Variants in AFG1L observed in about 807,000 individuals in gnomAD.
The protein encoded by AFG1L is AFG1 like ATPase.
AFG1L carries 53 observed loss-of-function variants against 62.2 expected under a neutral mutation model. That is an observed-to-expected ratio of 0.85 (90% confidence interval 0.68 to 1.07). The LOEUF (loss-of-function observed/expected upper bound fraction) is 1.07. Among genes scored for constraint, AFG1L ranks in the 50% least tolerant of loss-of-function variants. The probability of loss-of-function intolerance (pLI) is 0.00; values close to 1 mark genes in which losing one functional copy is unlikely to be tolerated. For synonymous variants in AFG1L, 228 were observed against 210.3 expected, an observed-to-expected ratio of 1.08 and a Z score of -0.73; for missense variants, 555 against 590.5, an observed-to-expected ratio of 0.94 and a Z score of 0.62.
intron 1 of AFG1L, chr6:108,295,803 G>A (rs1446176107): frequency 6.6e-6 from 1 of 152,366 alleles, no homozygotes; most frequent in East Asian, 1.9e-4. Context: ...ATGAATGAAT[G>A]TATATTCTGA....
chr6:108,408,293 T>G (rs1781954873), intron 7 of AFG1L, among the ~76,000 whole-genome samples: 2 of 152,180 alleles, frequency 1.3e-5, no homozygotes, highest in African/African-American at 4.8e-5. Context: ...TCTAAGCTCT[T>G]TACTGAATCC....
chr6:108,368,794 A>G (rs1779866359), intron 6 of AFG1L, among the ~76,000 whole-genome samples: 1 of 152,210 alleles, frequency 6.6e-6, no homozygotes, highest in African/African-American at 2.4e-5. Context: ...AGTGTGGTTA[A>G]CTAACTGAGG....
chr6:108,344,795 G>A (rs779940319), intron 2 of AFG1L: 10 of 471,108 alleles, frequency 2.1e-5, no homozygotes, highest in South Asian at 1.5e-4. Context: ...CTGCTGCAGA[G>A]TATGAAGGTT....
At position 108,295,066 on chromosome 6, in the gene AFG1L, G is replaced by C. The variant is rs766804964; in HGVS notation, c.-14G>C. ...ATAAAGTTTTCCTCTTCCTCTCCTCGTACGGAGTTCAAGATGGCGGCCTCC... is the reference window on the plus strand; with the variant it reads ...ATAAAGTTTTCCTCTTCCTCTCCTCCTACGGAGTTCAAGATGGCGGCCTCC... On this transcript the variant is annotated 5_prime_UTR_variant, in exon 1 of 13. Transcript: ENST00000368977. The C allele has an allele frequency of 6.2e-7, 1 of 1,610,046 alleles. No homozygotes were observed. The highest frequency in any genetic ancestry group is 8.5e-7 in the Non-Finnish European group (1 of 1,179,970).
intron 6 of AFG1L, among the ~76,000 whole-genome samples, chr6:108,390,501 T>C (rs1435664310): frequency 1.3e-5 from 2 of 152,252 alleles, no homozygotes; most frequent in Non-Finnish European, 2.9e-5. Flanking sequence ...TGTGGTTTTA[T>C]CTACCTTTGG....
intron 11 of AFG1L, among the ~76,000 whole-genome samples, chr6:108,512,753 A>G (rs1774705182): frequency 6.6e-6 from 1 of 152,004 alleles, no homozygotes. Flanking sequence ...GCAATATGAT[A>G]GAATATTCAA....
At chr6:108,301,535 G>A (rs973637083) in intron 1 of AFG1L, among the ~76,000 whole-genome samples, 4 of 152,226 alleles carry the variant, frequency 2.6e-5, no homozygotes, top group Admixed American at 2.0e-4. Context: ...GTCAGAAAGC[G>A]TTGGTATGGC....
At chr6:108,431,767 A>G (rs1771087283) in intron 7 of AFG1L, among the ~76,000 whole-genome samples, 1 of 151,644 alleles carries the variant, frequency 6.6e-6, no homozygotes, top group African/African-American at 2.4e-5. Flanking sequence ...TATTTTTAGT[A>G]GAGACGGGGT....
chr6:108,478,713 A>G (rs192833201), intron 10 of AFG1L, among the ~76,000 whole-genome samples: 9 of 152,312 alleles, frequency 5.9e-5, no homozygotes, highest in South Asian at 2.1e-4. Flanking sequence ...CACTTTCTGC[A>G]GAAGAGGGGA....
chr6:108,386,737 A>G (rs1221072277), intron 6 of AFG1L, among the ~76,000 whole-genome samples: 1 of 152,242 alleles, frequency 6.6e-6, no homozygotes, highest in East Asian at 1.9e-4. Context: ...GTGTATGTAG[A>G]TGTGATACAT....
chr6:108,425,321 G>A (rs139317156), intron 7 of AFG1L, among the ~76,000 whole-genome samples: 46 of 152,270 alleles, frequency 3.0e-4, no homozygotes, highest in African/African-American at 1.1e-3. Context: ...AACTGGTATA[G>A]CATTGACAGA....
rs1249402072 is a variant in AFG1L at position 108,476,436 on chromosome 6, G to A, written c.891-429G>A. Among the ~76,000 whole-genome samples, 3 of 152,168 alleles carry A rather than the reference G, an allele frequency of 2.0e-5. No individual in the cohort carries two copies. The East Asian group carries it at 5.8e-4, about 29-fold the overall frequency. On this transcript the variant is annotated intron_variant, in intron 8 of 12. Transcript: ENST00000368977. ...ATCCTCTCAGTCAGTGGCTTGACTTGATTTTTTTAAAATGCAGCTTCAATA... is the reference window on the plus strand; with the variant it reads ...ATCCTCTCAGTCAGTGGCTTGACTTAATTTTTTTAAAATGCAGCTTCAATA...
chr6:108,352,218 C>A (rs1205102050), intron 3 of AFG1L, among the ~76,000 whole-genome samples: 1 of 152,122 alleles, frequency 6.6e-6, no homozygotes, highest in Non-Finnish European at 1.5e-5. Context: ...TTCTTCAGTA[C>A]CTTATATAAA....
At chr6:108,305,242 T>C (rs1351497008) in intron 1 of AFG1L, among the ~76,000 whole-genome samples, 1 of 152,160 alleles carries the variant, frequency 6.6e-6, no homozygotes, top group African/African-American at 2.4e-5. Flanking sequence ...CTGAATTCAG[T>C]GCTTTGAATT....
chr6:108,310,925 G>T (rs1777379921), intron 1 of AFG1L, among the ~76,000 whole-genome samples: 2 of 152,090 alleles, frequency 1.3e-5, no homozygotes, highest in Admixed American at 1.3e-4. Flanking sequence ...CGGTGAATGG[G>T]ATCCTTTTTT....
chr6:108,383,244 A>C (rs1038444477), intron 6 of AFG1L, among the ~76,000 whole-genome samples: 25 of 152,212 alleles, frequency 1.6e-4, no homozygotes, highest in Admixed American at 5.9e-4. Flanking sequence ...ACATAAATAA[A>C]TAAATTAAAT....
At chr6:108,319,234 AAATT>A (rs1308896269) in intron 1 of AFG1L, among the ~76,000 whole-genome samples, 1 of 152,118 alleles carries the variant, frequency 6.6e-6, no homozygotes, top group Non-Finnish European at 1.5e-5. Flanking sequence ...AAACACTTTA[AAATT>A]AATTAATTAA....
intron 8 of AFG1L, among the ~76,000 whole-genome samples, chr6:108,455,300 G>A (rs936354679): frequency 6.6e-6 from 1 of 151,990 alleles, no homozygotes; most frequent in East Asian, 1.9e-4. Context: ...TTTACATTGG[G>A]GTTTTAATAG....
chr6:108,454,309 C>A (rs1772170135), intron 8 of AFG1L, among the ~76,000 whole-genome samples: 1 of 152,146 alleles, frequency 6.6e-6, no homozygotes, highest in Non-Finnish European at 1.5e-5. Flanking sequence ...AGAAATGTAT[C>A]CACATGGAGA....
Sources: allele counts gnomAD v4.1 joint callset (sites outside exome capture counted in the v4.1 genomes callset), GRCh38; gene constraint gnomAD v4.1.1; transcripts MANE v1.5; gene names NCBI Gene and HGNC (gene_info 2026-07-23, HGNC 2026-07-21).